PARP6: variants seen among roughly 807,000 people sequenced by gnomAD.
PARP6 encodes the protein protein mono-ADP-ribosyltransferase PARP6.
Under a neutral mutation model 92.0 loss-of-function variants are expected in PARP6, and 27 were observed. The observed-to-expected ratio is 0.29, with a 90% CI of 0.22 to 0.40. PARP6 has a LOEUF of 0.40. Among genes scored for constraint, PARP6 ranks in the 10% least tolerant of loss-of-function variants. PARP6 has a pLI of 1.00. For missense variants in PARP6, 501 were observed against 784.5 expected (o/e 0.64, Z 4.32); for synonymous variants, 272 against 281.2 (o/e 0.97, Z 0.33).
At chr15:72,249,397 C>A (rs2084044507) in intron 19 of PARP6, 83 bp from the exon 20 acceptor site, 1 of 702,420 alleles carries the variant, frequency 1.4e-6, no homozygotes, top group Non-Finnish European at 2.5e-6. Context: ...GCTTATCCAG[C>A]CCTCTGTCCC....
rs545754537 is a variant in PARP6, at chr15:72,265,195, T to C, written c.238-24A>G. On this transcript the variant is annotated intron_variant, in intron 6 of 23. Coordinates refer to ENST00000569795, the MANE Select transcript of PARP6 (RefSeq NM_001323532.2). The stretch of plus-strand genomic sequence containing the variant: ...TCCTAAAAGAAGAAGGGAAATAGTT[T>C]CCAGTTTAGCAACATAGACGAATGG... 2.0e-5 allele frequency: 31 copies of C among 1,546,616 alleles called. No homozygotes were observed. The South Asian group carries it at 3.0e-4, about 15-fold the overall frequency.
chr15:72,260,465 C>G lies in PARP6; in HGVS notation c.756+13G>C. 1.2e-6 allele frequency: 2 copies of G among 1,607,578 alleles called. No individual in the cohort carries two copies. Among genetic ancestry groups the G allele is most frequent in the Non-Finnish European group, 1.7e-6 (2 of 1,174,548 alleles). ...TCCTGATAGCCAAGTCAAACCCTCC[C>G]CAGCCCATGTACCAAAGGAGAGGTC... On this transcript the variant is annotated intron_variant, in intron 10 of 23. Coordinates refer to ENST00000569795, the MANE Select transcript of PARP6 (RefSeq NM_001323532.2).
Position 72,241,737 on chromosome 15 carries a change from T to A in PARP6, c.1790+164A>T, listed in dbSNP as rs1261897176. Reference sequence around the variant, plus strand: ...TTCCTCTAGATAGATCCCAACCATCTATACCCATTCCCATCCTCCAATGGT... The same window carrying A: ...TTCCTCTAGATAGATCCCAACCATCAATACCCATTCCCATCCTCCAATGGT... On this transcript the variant is annotated intron_variant, in intron 23 of 23. Transcript: ENST00000569795. The surrounding 1 kb of genome is among the most constrained non-coding windows in gnomAD (Gnocchi z 4.1). 2.6e-5 allele frequency among the ~76,000 whole-genome samples: 4 copies of A among 152,206 alleles called. No individual in the cohort carries two copies. Among genetic ancestry groups the A allele is most frequent in the African/African-American group, 7.2e-5 (3 of 41,446 alleles).
chr15:72,249,964 A>G, intron 19 of PARP6, 56 bp downstream of exon 19: 2 of 1,193,190 alleles, frequency 1.7e-6, no homozygotes, highest in South Asian at 1.2e-5. Flanking sequence ...GCCTTCCACA[A>G]AACTGAGTAG....
At chr15:72,254,334 T>TAA in intron 15 of PARP6, 121 bp downstream of exon 15, 3 of 594,142 alleles carry the variant, frequency 5.0e-6, no homozygotes, top group South Asian at 2.2e-5. Context: ...GAGGAAAGAC[T>TAA]AAAAAAAAAA....
chr15:72,242,284 G>T lies in PARP6; in HGVS notation c.1642-64C>A. On this transcript the variant is annotated intron_variant, in intron 21 of 23. Coordinates refer to ENST00000569795, the MANE Select transcript of PARP6 (RefSeq NM_001323532.2). The surrounding 1 kb of genome is among the most constrained non-coding windows in gnomAD (Gnocchi z 4.3). ...GATGGGTACAGCTTTCCCTAGAGAG[G>T]CTGGTTAGCTGATGATTGGGAGTGG... The T allele has an allele frequency of 7.8e-7, 1 of 1,284,584 alleles. No homozygotes were observed. The highest frequency in any genetic ancestry group is 1.1e-6 in the Non-Finnish European group (1 of 883,606). The allele number at this position is 1,284,584 out of a possible 1,614,324, so 79.6% of individuals were successfully genotyped here.
At chr15:72,254,077 G>A (rs2140978804) in intron 15 of PARP6, 1 of 469,880 alleles carries the variant, frequency 2.1e-6, no homozygotes, top group South Asian at 1.5e-5. Flanking sequence ...ACCCCTAGAA[G>A]GATAGAAGAT....
At chr15:72,259,506 G>T in intron 11 of PARP6, 102 bp downstream of exon 11, 1 of 903,596 alleles carries the variant, frequency 1.1e-6, no homozygotes, top group Non-Finnish European at 1.8e-6. Flanking sequence ...TGGAAGCAAA[G>T]CAATTCAGAA....
chr15:72,244,810 G>C (rs1024051685), intron 20 of PARP6: 6 of 152,310 alleles, frequency 3.9e-5, no homozygotes, highest in African/African-American at 1.4e-4. Flanking sequence ...GTCTAATATA[G>C]TGTATTAGTC....
chr15:72,249,205 A>G (rs1455649980), intron 20 of PARP6, 40 bp downstream of exon 20: 1 of 1,141,456 alleles, frequency 8.8e-7, no homozygotes, highest in African/African-American at 1.5e-5. Context: ...AAATGGAGGC[A>G]ATGTAAATAG....
In PARP6 at chr15:72,255,725, C is replaced by A. The variant is rs1480978683; in HGVS notation, c.1125+740G>T. 2.6e-5 allele frequency among the ~76,000 whole-genome samples: 4 copies of A among 151,230 alleles called. No individual in the cohort carries two copies. In the East Asian group the frequency reaches 5.8e-4, roughly 22 times the overall value. On this transcript the variant is annotated intron_variant, in intron 14 of 23. Coordinates refer to ENST00000569795, the MANE Select transcript of PARP6 (RefSeq NM_001323532.2). ...CTCCTTCTCTCTCCATATATATCTC[C>A]TATTGGCTCTGTTTCTCTGGAAAAC...
Position 72,265,971 on chromosome 15 carries a change from C to A in PARP6, c.102G>T (p.Leu34=). ...YGVQGSCAAD[L]YRHPQLDADI... is the part of the protein sequence containing the mutation. ...CTGCATCAAGCTGTGGGTGTCGATACAGGTCAGCTGCACAGCTCCCCTGAG... is the reference window on the plus strand; with the variant it reads ...CTGCATCAAGCTGTGGGTGTCGATAAAGGTCAGCTGCACAGCTCCCCTGAG... Residue 34 remains leucine (L), a synonymous_variant, in exon 5 of 24, where the codon CTG becomes CTT. Coordinates refer to ENST00000569795, the MANE Select transcript of PARP6 (RefSeq NM_001323532.2). 1.2e-6 allele frequency: 2 copies of A among 1,613,792 alleles called. No homozygotes were observed. Among genetic ancestry groups the A allele is most frequent in the Non-Finnish European group, 1.7e-6 (2 of 1,179,760 alleles).
At chr15:72,265,297 C>T in intron 6 of PARP6, 116 bp downstream of exon 6, 1 of 1,091,402 alleles carries the variant, frequency 9.2e-7, no homozygotes, top group South Asian at 1.3e-5. Context: ...CTAGGAAAGA[C>T]AGAGATGAAG....
chr15:72,271,774 G>A (rs528073180), intron 1 of PARP6, among the ~76,000 whole-genome samples: 1 of 152,270 alleles, frequency 6.6e-6, no homozygotes, highest in South Asian at 2.1e-4. Context: ...AAGAAGTTGG[G>A]CCAAAAATAG....
At chr15:72,263,238 G>A (rs1415851081) in intron 8 of PARP6, among the ~76,000 whole-genome samples, 1 of 152,022 alleles carries the variant, frequency 6.6e-6, no homozygotes, top group East Asian at 1.9e-4. Context: ...GGCCCTTATG[G>A]CTATATTCAA....
intron 2 of PARP6, among the ~76,000 whole-genome samples, chr15:72,270,168 C>T (rs1219852939): frequency 6.6e-6 from 1 of 152,020 alleles, no homozygotes; most frequent in African/African-American, 2.4e-5. Flanking sequence ...GTTGCCTGAT[C>T]CTTCAGAAAC....
rs749363368 is a variant in PARP6 at position 72,260,653 on chromosome 15, A to G, written c.581T>C (p.Leu194Pro). Residue 194 changes from leucine to proline, a missense_variant, in exon 10 of 24, where the codon CTG becomes CCG. Physicochemically the swap from Leu to Pro is moderately conservative, Grantham distance 98. Around this residue, in one of 4 missense-constraint regions of PARP6, gnomAD observed 291 missense variants for 352.0 expected, o/e 0.83. Transcript: ENST00000569795. ...PSFPIIQDSM[L>P]KGKLGVPELR... ...CTCTGGTACACCTAGTTTGCCTTTC[A>G]GCATGGAGTCCTGTATGATAGGGAA... 2.5e-6 allele frequency: 4 copies of G among 1,614,156 alleles called. No individual in the cohort carries two copies. In the Admixed American group the frequency reaches 6.7e-5, roughly 27 times the overall value.
chr15:72,268,653 A>C (rs1270882361), intron 2 of PARP6, among the ~76,000 whole-genome samples: 1 of 152,172 alleles, frequency 6.6e-6, no homozygotes, highest in East Asian at 1.9e-4. Context: ...AGCCTAGATC[A>C]CGCCACTGCA....
chr15:72,266,895 G>T, intron 3 of PARP6, 73 bp from the exon 4 acceptor site: 1 of 1,112,906 alleles, frequency 9.0e-7, no homozygotes, highest in Non-Finnish European at 1.4e-6. Context: ...GGGATGATAT[G>T]GTGAGGAACA....
Sources: gnomAD v4.1 joint callset for allele counts (sites outside exome capture counted in the v4.1 genomes callset) on GRCh38, gnomAD v4.1.1 for gene constraint, gnomAD v4.1.1 regional missense constraint, Gnocchi (gnomAD v3.1) non-coding constraint, MANE v1.5 for transcripts, NCBI Gene and HGNC (gene_info 2026-07-23, HGNC 2026-07-21) for gene names.